Variants in GRIN2B observed in about 807,000 individuals in gnomAD.
The protein encoded by GRIN2B is glutamate ionotropic receptor NMDA type subunit 2B, also known as glutamate receptor ionotropic, NMDA 2B.
Under a neutral mutation model 114.5 loss-of-function variants are expected in GRIN2B, and 5 were observed. The ratio of observed to expected loss-of-function variants is 0.04; its 90% CI spans 0.02 to 0.09. GRIN2B has a LOEUF of 0.09. GRIN2B is among the 10% of genes least tolerant of loss of function. The probability of loss-of-function intolerance (pLI) is 1.00; values close to 1 mark genes in which losing one functional copy is unlikely to be tolerated. For synonymous variants in GRIN2B, 787 were observed against 745.1 expected, an observed-to-expected ratio of 1.06 and a Z score of -0.92; for missense variants, 1,108 against 1,943.5, an observed-to-expected ratio of 0.57 and a Z score of 8.08.
intron 3 of GRIN2B, among the ~76,000 whole-genome samples, chr12:13,851,319 C>G (rs150891821): frequency 6.6e-6 from 1 of 152,248 alleles, no homozygotes; most frequent in Non-Finnish European, 1.5e-5. Flanking sequence ...CTTTCCTCAT[C>G]TCCATTAGCT....
Position 13,980,255 on chromosome 12 carries a change from T to C in GRIN2B, c.-346A>G, listed in dbSNP as rs988592822. The C allele has an allele frequency of 2.6e-5, 4 of 151,688 alleles. No individual in the cohort carries two copies. Among genetic ancestry groups the C allele is most frequent in the Non-Finnish European group, 5.9e-5 (4 of 67,932 alleles). The allele number at this position is 151,688 out of a possible 1,614,324, so 9.4% of individuals were successfully genotyped here. A position where few individuals can be genotyped will look rare whatever the true frequency, so the allele number is the denominator to read the frequency against. On this transcript the variant is annotated 5_prime_UTR_variant, in exon 2 of 14. Transcript: ENST00000609686. ...TTAACGCTTCTTCTGGCAATTACGGTTTTTGGTTTTTGGAGCGTTAGTGGA... is the reference window on the plus strand; with the variant it reads ...TTAACGCTTCTTCTGGCAATTACGGCTTTTGGTTTTTGGAGCGTTAGTGGA...
At chr12:13,593,050 C>A (rs1949028595) in intron 10 of GRIN2B, among the ~76,000 whole-genome samples, 1 of 152,112 alleles carries the variant, frequency 6.6e-6, no homozygotes, top group South Asian at 2.1e-4. Flanking sequence ...TTTACTGAAC[C>A]ACTAATTTTT....
At chr12:13,732,158 CT>C (rs142353893) in intron 4 of GRIN2B, among the ~76,000 whole-genome samples, 4,109 of 144,752 alleles carry the variant, frequency 0.028, 151 homozygotes, top group African/African-American at 0.089. Flanking sequence ...CATTACCACA[CT>C]TTTTTTTTTT....
chr12:13,799,540 C>G (rs1864469940), intron 3 of GRIN2B, among the ~76,000 whole-genome samples: 2 of 152,186 alleles, frequency 1.3e-5, no homozygotes, highest in Non-Finnish European at 2.9e-5. Flanking sequence ...CAGGGCATCT[C>G]TTGCCCATTG....
chr12:13,823,709 G>T (rs566093246), intron 3 of GRIN2B, among the ~76,000 whole-genome samples: 75 of 152,166 alleles, frequency 4.9e-4, no homozygotes, highest in African/African-American at 1.8e-3. Flanking sequence ...AAGCAGTAAA[G>T]GCAAACATCC....
chr12:13,860,478 G>A (rs183212737), intron 3 of GRIN2B, among the ~76,000 whole-genome samples: 12 of 152,158 alleles, frequency 7.9e-5, no homozygotes, highest in South Asian at 2.1e-4. Context: ...ACAGGTGTGC[G>A]TCACCACGCC....
chr12:13,669,597 G>A (rs567778034), intron 5 of GRIN2B, among the ~76,000 whole-genome samples: 48 of 152,208 alleles, frequency 3.2e-4, no homozygotes, highest in South Asian at 6.2e-4. Flanking sequence ...AGGCTGGGAG[G>A]TGGAACAAAG....
At chr12:13,572,635 T>C (rs1004408995) in intron 10 of GRIN2B, among the ~76,000 whole-genome samples, 3 of 152,176 alleles carry the variant, frequency 2.0e-5, no homozygotes, top group African/African-American at 7.2e-5. Context: ...GAGAAACCTC[T>C]TGGATTTTCA....
intron 4 of GRIN2B, among the ~76,000 whole-genome samples, chr12:13,713,046 C>T (rs1201941046): frequency 6.6e-6 from 1 of 151,742 alleles, no homozygotes; most frequent in Non-Finnish European, 1.5e-5. Context: ...TGCTTACCAC[C>T]AAGCATAAGA....
intron 2 of GRIN2B, among the ~76,000 whole-genome samples, chr12:13,867,494 C>T (rs1591593701): frequency 6.6e-6 from 1 of 152,162 alleles, no homozygotes; most frequent in Non-Finnish European, 1.5e-5. Context: ...GCCCAGATTT[C>T]ACCACTATAC....
chr12:13,969,198 A>T (rs1174403689), intron 2 of GRIN2B, among the ~76,000 whole-genome samples: 1 of 152,230 alleles, frequency 6.6e-6, no homozygotes, highest in African/African-American at 2.4e-5. Context: ...AGTTTAAAAC[A>T]ACTTTGCCTT....
intron 4 of GRIN2B, among the ~76,000 whole-genome samples, chr12:13,682,243 G>T (rs937235381): frequency 6.6e-6 from 1 of 152,140 alleles, no homozygotes; most frequent in African/African-American, 2.4e-5. Context: ...TTTTAAGGAA[G>T]AAGGATTTGA....
At chr12:13,667,406 AG>A (rs1284613751) in intron 5 of GRIN2B, among the ~76,000 whole-genome samples, 5 of 152,176 alleles carry the variant, frequency 3.3e-5, no homozygotes, top group African/African-American at 9.7e-5. Context: ...TCCCAAATTA[AG>A]GGTTTTCATT....
At chr12:13,827,866 G>C (rs1865075402) in intron 3 of GRIN2B, among the ~76,000 whole-genome samples, 1 of 152,200 alleles carries the variant, frequency 6.6e-6, no homozygotes, top group Non-Finnish European at 1.5e-5. Context: ...ATTTTTAGTA[G>C]AAACAAGGTT....
intron 3 of GRIN2B, among the ~76,000 whole-genome samples, chr12:13,764,596 A>ATGGAAATAAGAAAAAATCTTCCC (rs1461598815): frequency 6.6e-6 from 1 of 152,218 alleles, no homozygotes; most frequent in African/African-American, 2.4e-5. Context: ...GCCAACGTTG[A>ATGGAAATAAGAAAAAATCTTCCC]TGGAAATAAG....
At chr12:13,876,858 T>C (rs994854795) in intron 2 of GRIN2B, among the ~76,000 whole-genome samples, 2 of 152,216 alleles carry the variant, frequency 1.3e-5, no homozygotes, top group African/African-American at 2.4e-5. Flanking sequence ...TGTGGCATAA[T>C]GGTAGGTGCA....
intron 2 of GRIN2B, among the ~76,000 whole-genome samples, chr12:13,870,490 C>G (rs1356022787): frequency 1.3e-5 from 2 of 152,156 alleles, no homozygotes; most frequent in Middle Eastern, 3.4e-3. Context: ...TAGCAGGAAA[C>G]AGTCTACACT....
intron 2 of GRIN2B, among the ~76,000 whole-genome samples, chr12:13,897,393 C>T (rs1245566630): frequency 6.6e-6 from 1 of 152,142 alleles, no homozygotes; most frequent in Non-Finnish European, 1.5e-5. Flanking sequence ...TGAGCAGGCT[C>T]CAGGGAGAGA....
At chr12:13,647,048 T>C (rs983260820) in intron 5 of GRIN2B, among the ~76,000 whole-genome samples, 1 of 152,034 alleles carries the variant, frequency 6.6e-6, no homozygotes. Flanking sequence ...AGCAGACACT[T>C]AGAAGTAGCA....
Sources: allele counts gnomAD v4.1 joint callset (sites outside exome capture counted in the v4.1 genomes callset), GRCh38; gene constraint gnomAD v4.1.1; transcripts MANE v1.5; gene names NCBI Gene and HGNC (gene_info 2026-07-23, HGNC 2026-07-21).